TGFBR1: variants seen among roughly 807,000 people sequenced by gnomAD.
TGFBR1 encodes transforming growth factor beta receptor 1.
A neutral mutation model predicts 55.1 loss-of-function variants in TGFBR1; 20 were observed. That is an observed-to-expected ratio of 0.36 (90% CI 0.26 to 0.53). The LOEUF is 0.53. TGFBR1 is among the 20% of genes least tolerant of loss of function. TGFBR1 has a pLI of 0.91. For synonymous variants in TGFBR1, 220 were observed against 214.8 expected, an observed-to-expected ratio of 1.02 and a Z score of -0.21; for missense variants, 385 against 617.6, an observed-to-expected ratio of 0.62 and a Z score of 3.99.
intron 5 of TGFBR1, among the ~76,000 whole-genome samples, chr9:99,142,984 G>C (rs889444888): frequency 2.0e-5 from 3 of 152,160 alleles, no homozygotes; most frequent in African/African-American, 7.2e-5. Context: ...ACCTGAGCCT[G>C]GGAGGTCGAA....
Position 99,150,146 on chromosome 9 carries a change from G to A in TGFBR1, c.*841G>A. The A allele has an allele frequency of 5.3e-6, 1 of 189,214 alleles. No individual in the cohort carries two copies. The highest frequency in any genetic ancestry group is 1.1e-5 in the Non-Finnish European group (1 of 89,900). 11.7% of individuals were successfully genotyped at this position (189,214 alleles called of 1,614,324 possible). ...AAATGCCTTTCTCCTACCAAAATGT[G>A]CTTAAGCCACTAAAGAAATGAAGTG... is the stretch of plus-strand genomic sequence containing the variant. On this transcript the variant is annotated 3_prime_UTR_variant, in exon 9 of 9. Transcript: ENST00000374994.
intron 2 of TGFBR1, among the ~76,000 whole-genome samples, chr9:99,129,881 A>G (rs923725511): frequency 6.6e-6 from 1 of 152,154 alleles, no homozygotes; most frequent in Non-Finnish European, 1.5e-5. Context: ...CCTGGGTGAC[A>G]GAGTGAGGCT....
chr9:99,110,439 TCTTA>T (rs2118261623), intron 1 of TGFBR1, among the ~76,000 whole-genome samples: 1 of 152,290 alleles, frequency 6.6e-6, no homozygotes, highest in African/African-American at 2.4e-5. Context: ...TACCAAAACT[TCTTA>T]CTTATTTGCT....
Position 99,151,580 on chromosome 9 carries a change from C to T in TGFBR1, c.*2275C>T. The stretch of plus-strand genomic sequence containing the variant: ...TCTCACTTTCATGTAAGGTTATCCA[C>T]TTTTGCTGAAGATATTTTTTATTGA... On this transcript the variant is annotated 3_prime_UTR_variant, in exon 9 of 9. Transcript: ENST00000374994. The T allele has an allele frequency of 4.3e-6, 1 of 230,120 alleles. No homozygotes were observed. Among genetic ancestry groups the T allele is most frequent in the Non-Finnish European group, 8.6e-6 (1 of 116,056 alleles). 14.3% of individuals were successfully genotyped at this position (230,120 alleles called of 1,614,324 possible). A position where few individuals can be genotyped will look rare whatever the true frequency, so the allele number is the denominator to read the frequency against.
At chr9:99,136,003 C>T (rs1002534826) in intron 3 of TGFBR1, among the ~76,000 whole-genome samples, 10 of 151,944 alleles carry the variant, frequency 6.6e-5, no homozygotes, top group Middle Eastern at 3.4e-3. Flanking sequence ...TACAGGTGTG[C>T]ACCACCATGC....
chr9:99,105,793 A>G (rs10760668), intron 1 of TGFBR1, among the ~76,000 whole-genome samples: 34,214 of 151,886 alleles, frequency 0.23, 4,068 homozygotes, highest in East Asian at 0.43. Context: ...GTTGGGGTGG[A>G]AGGCGGCTCC....
At chr9:99,112,920 A>C (rs1278793020) in intron 1 of TGFBR1, among the ~76,000 whole-genome samples, 1 of 140,182 alleles carries the variant, frequency 7.1e-6, no homozygotes, top group East Asian at 2.5e-4. Flanking sequence ...CATTCACCTC[A>C]TATTCTCTCT....
intron 1 of TGFBR1, among the ~76,000 whole-genome samples, chr9:99,110,179 T>G (rs1383905616): frequency 2.0e-5 from 3 of 152,214 alleles, no homozygotes; most frequent in African/African-American, 7.2e-5. Flanking sequence ...TCCAATTTTA[T>G]AGATCAGATC....
intron 1 of TGFBR1, among the ~76,000 whole-genome samples, chr9:99,115,920 G>GT (rs1564132817): frequency 6.6e-6 from 1 of 152,190 alleles, no homozygotes; most frequent in Non-Finnish European, 1.5e-5. Flanking sequence ...GTCTGGTCAT[G>GT]TTTGTCAGTG....
intron 1 of TGFBR1, 79 bp from the exon 2 acceptor site, chr9:99,128,776 T>A: frequency 6.5e-7 from 1 of 1,548,702 alleles, no homozygotes; most frequent in Non-Finnish European, 8.9e-7. Context: ...GGATCAAGAA[T>A]GTATTATTAG....
intron 2 of TGFBR1, among the ~76,000 whole-genome samples, chr9:99,131,922 C>G (rs952383992): frequency 2.0e-5 from 3 of 150,184 alleles, no homozygotes; most frequent in Admixed American, 1.3e-4. Context: ...GAGCCAACAT[C>G]ATACCACTGT....
intron 1 of TGFBR1, chr9:99,127,923 C>T (rs1214523974): frequency 2.2e-6 from 1 of 455,792 alleles, no homozygotes; most frequent in African/African-American, 2.0e-5. Context: ...GGCAGATTGA[C>T]AGAAATGACT....
intron 8 of TGFBR1, among the ~76,000 whole-genome samples, 193 bp downstream of exon 8, chr9:99,147,977 T>C (rs1827853756): frequency 6.6e-6 from 1 of 152,224 alleles, no homozygotes; most frequent in Non-Finnish European, 1.5e-5. Context: ...CCATGGAACA[T>C]TTGCAGTGGC....
upstream of TGFBR1, chr9:99,105,090 A>G (rs905336450): frequency 1.3e-6 from 1 of 787,838 alleles, no homozygotes; most frequent in Non-Finnish European, 1.5e-6. Flanking sequence ...AGCAGTTACA[A>G]AGGGCCGGAG....
intron 3 of TGFBR1, among the ~76,000 whole-genome samples, chr9:99,135,799 T>A (rs972270465): frequency 1.3e-5 from 2 of 152,026 alleles, no homozygotes; most frequent in African/African-American, 4.8e-5. Flanking sequence ...GAGCAGAGAA[T>A]ATAGAGATCT....
Position 99,105,141 on chromosome 9 carries a change from G to A in TGFBR1, c.-65G>A, listed in dbSNP as rs1826365135. The A allele has an allele frequency of 9.3e-7, 1 of 1,073,740 alleles. No individual in the cohort carries two copies. Among genetic ancestry groups the A allele is most frequent in the African/African-American group, 1.7e-5 (1 of 59,828 alleles). The allele number at this position is 1,073,740 out of a possible 1,614,324, so 66.5% of individuals were successfully genotyped here. ...GGCTAGGGAGGTGGGGCGAGGCGAG[G>A]TTTGCTGGGGTGAGGCAGCGGCGCG... On this transcript the variant is annotated 5_prime_UTR_variant, in exon 1 of 9. Coordinates refer to ENST00000374994, the MANE Select transcript of TGFBR1 (RefSeq NM_004612.4).
At chr9:99,123,407 G>T (rs1411972312) in intron 1 of TGFBR1, among the ~76,000 whole-genome samples, 1 of 152,044 alleles carries the variant, frequency 6.6e-6, no homozygotes, top group Non-Finnish European at 1.5e-5. Context: ...CCTAAACAGG[G>T]GATTTGGTTC....
chr9:99,110,978 A>C lies in TGFBR1; in HGVS notation c.97+5676A>C, dbSNP rs186081484. On this transcript the variant is annotated intron_variant, in intron 1 of 8. Transcript: ENST00000374994. ...ATTGTTAGAGCCACTTCAGCAGGAAAGTTTCCTTTCCCTTTTTTGCAAACC... is the reference window on the plus strand; with the variant it reads ...ATTGTTAGAGCCACTTCAGCAGGAACGTTTCCTTTCCCTTTTTTGCAAACC... Among the ~76,000 whole-genome samples, 34 of 152,350 alleles carry C rather than the reference A, an allele frequency of 2.2e-4. No individual in the cohort carries two copies. The East Asian group carries it at 6.2e-3, about 28-fold the overall frequency.
chr9:99,141,590 C>T (rs550619135), intron 4 of TGFBR1, among the ~76,000 whole-genome samples: 1 of 152,196 alleles, frequency 6.6e-6, no homozygotes, highest in Admixed American at 6.5e-5. Flanking sequence ...GGCTCCTTGT[C>T]AGTAACAGGC....
Sources: allele counts gnomAD v4.1 joint callset (sites outside exome capture counted in the v4.1 genomes callset), GRCh38; gene constraint gnomAD v4.1.1; transcripts MANE v1.5; gene names NCBI Gene and HGNC (gene_info 2026-07-23, HGNC 2026-07-21).